Variants in ABCA12 observed in about 807,000 individuals in gnomAD.
The protein encoded by ABCA12 is glucosylceramide transporter ABCA12.
Under a neutral mutation model 293.5 loss-of-function variants are expected in ABCA12, and 156 were observed. The observed-to-expected ratio is 0.53, with a 90% CI of 0.47 to 0.61. ABCA12 has a LOEUF of 0.61. Ranked by LOEUF, ABCA12 falls within the 20% of genes least tolerant of loss-of-function variation. The pLI, the probability that ABCA12 is intolerant of heterozygous loss-of-function variation, is 0.00. For synonymous variants in ABCA12, 1,063 were observed against 1,108.0 expected (o/e 0.96, Z 0.81); for missense variants, 2,797 against 3,090.2 (o/e 0.91, Z 2.25).
At chr2:214,982,051 ATCCT>A in intron 30 of ABCA12, 132 bp downstream of exon 30, 2 of 813,822 alleles carry the variant, frequency 2.5e-6, no homozygotes, top group South Asian at 2.9e-5. Flanking sequence ...GGCTCAAGCA[ATCCT>A]CCTGTCTTGG....
At position 215,007,961 on chromosome 2, in the gene ABCA12, A is replaced by T. The variant is rs1700290921; in HGVS notation, c.2473-115T>A. Reference sequence around the variant, plus strand: ...TTCAAAAGACAGTTCTAAAACATGAAGTTAGTACAAACAATTGTCAGAAAT... The same window carrying T: ...TTCAAAAGACAGTTCTAAAACATGATGTTAGTACAAACAATTGTCAGAAAT... On this transcript the variant is annotated intron_variant, in intron 18 of 52. Coordinates refer to ENST00000272895, the MANE Select transcript of ABCA12 (RefSeq NM_173076.3). The T allele has an allele frequency of 3.7e-6, 5 of 1,334,344 alleles. No homozygotes were observed. The Admixed American group carries it at 8.0e-5, about 21-fold the overall frequency. 82.7% of individuals were successfully genotyped at this position (1,334,344 alleles called of 1,614,324 possible).
chr2:215,070,369 C>T (rs1320702810), intron 2 of ABCA12, among the ~76,000 whole-genome samples: 2 of 151,694 alleles, frequency 1.3e-5, no homozygotes, highest in African/African-American at 2.4e-5. Context: ...TTTAAAAAAT[C>T]GTTCATCTTT....
chr2:215,114,014 C>T (rs551130128), intron 1 of ABCA12, among the ~76,000 whole-genome samples: 9 of 152,208 alleles, frequency 5.9e-5, no homozygotes, highest in African/African-American at 1.9e-4. Context: ...CTTGCTCTGT[C>T]GCCAGGCTGG....
chr2:215,133,278 A>T (rs1359645809), intron 1 of ABCA12, among the ~76,000 whole-genome samples: 2 of 146,256 alleles, frequency 1.4e-5, no homozygotes, highest in Non-Finnish European at 3.0e-5. Flanking sequence ...AATTTATCCG[A>T]ATCTCTGGTA....
chr2:214,949,375 TATACAC>T (rs891687581), intron 45 of ABCA12, among the ~76,000 whole-genome samples: 13 of 148,388 alleles, frequency 8.8e-5, no homozygotes, highest in African/African-American at 2.8e-4. Flanking sequence ...TATATATATA[TATACAC>T]ACACACACAC....
chr2:215,054,735 G>C (rs1701387370), intron 3 of ABCA12, 71 bp from the exon 4 acceptor site: 1 of 1,174,008 alleles, frequency 8.5e-7, no homozygotes, highest in Non-Finnish European at 1.3e-6. Context: ...GTATTATGTG[G>C]CAGATTCCAG....
intron 37 of ABCA12, among the ~76,000 whole-genome samples, chr2:214,969,682 T>C (rs1699343330): frequency 6.6e-6 from 1 of 152,118 alleles, no homozygotes; most frequent in Non-Finnish European, 1.5e-5. Context: ...ATATTCTTTT[T>C]CTTCTTTTTG....
intron 50 of ABCA12, among the ~76,000 whole-genome samples, chr2:214,940,280 A>G (rs1440162530): frequency 1.3e-5 from 2 of 152,166 alleles, no homozygotes; most frequent in African/African-American, 4.8e-5. Flanking sequence ...TGATTTGCAT[A>G]TGTTGAACAA....
intron 15 of ABCA12, 105 bp downstream of exon 15, chr2:215,015,385 G>A (rs953660885): frequency 1.7e-6 from 2 of 1,178,014 alleles, no homozygotes; most frequent in African/African-American, 1.5e-5. Flanking sequence ...TCCAAAAGCC[G>A]AATAAATGGA....
At chr2:215,122,382 T>G (rs961499018) in intron 1 of ABCA12, among the ~76,000 whole-genome samples, 2 of 152,196 alleles carry the variant, frequency 1.3e-5, no homozygotes, top group Non-Finnish European at 2.9e-5. Context: ...AGGACCCAGT[T>G]TATTTCAATC....
intron 8 of ABCA12, among the ~76,000 whole-genome samples, chr2:215,034,603 G>T (rs1700952131): frequency 6.6e-6 from 1 of 152,120 alleles, no homozygotes; most frequent in Admixed American, 6.6e-5. Context: ...TTTAAGTGAG[G>T]TTGTTCATAA....
chr2:215,001,102 C>T, intron 21 of ABCA12, 82 bp from the exon 22 acceptor site: 1 of 1,330,912 alleles, frequency 7.5e-7, no homozygotes, highest in Non-Finnish European at 1.1e-6. Context: ...ACAGAGGGGA[C>T]AGCCAAACAG....
chr2:215,054,459 C>T (rs1262772254), intron 4 of ABCA12, 114 bp downstream of exon 4: 14 of 899,068 alleles, frequency 1.6e-5, no homozygotes, highest in South Asian at 2.7e-5. Flanking sequence ...TCTCACAGGG[C>T]TATTCTAAGC....
chr2:214,985,885 C>T (rs932100040), intron 28 of ABCA12, among the ~76,000 whole-genome samples: 4 of 152,148 alleles, frequency 2.6e-5, no homozygotes, highest in African/African-American at 9.7e-5. Context: ...AAGAATGTCA[C>T]TTTAAAAACA....
Position 215,007,776 on chromosome 2 carries a change from A to T in ABCA12, c.2543T>A (p.Leu848His). The T allele has an allele frequency of 6.2e-7, 1 of 1,614,098 alleles. No homozygotes were observed. The highest frequency in any genetic ancestry group is 2.2e-5 in the East Asian group (1 of 44,846). The change falls in exon 19 of 53, where the codon CTT (leucine) becomes CAT (histidine). Residue 848 changes from leucine (L) to histidine (H), a missense_variant. Leu to His is a moderately conservative substitution (Grantham distance 99). Around this residue, in one of 3 missense-constraint regions of ABCA12, gnomAD observed 2,130 missense variants for 2,427.0 expected, o/e 0.88. Transcript: ENST00000272895. ...KSQEWMDKSP[L>H]FMNSFHLLNQ... ...TAACAGATGGAAGGAATTCATGAAA[A>T]GTGGCGACTTATCCATCCACTCTTG...
At chr2:215,105,179 G>A (rs1470967680) in intron 2 of ABCA12, among the ~76,000 whole-genome samples, 1 of 152,138 alleles carries the variant, frequency 6.6e-6, no homozygotes, top group Non-Finnish European at 1.5e-5. Context: ...TATCCAATAA[G>A]TGAGTCAAGA....
chr2:215,025,255 T>G (rs1700712100), intron 11 of ABCA12: 1 of 163,782 alleles, frequency 6.1e-6, no homozygotes, highest in African/African-American at 2.4e-5. Context: ...TGCCGAGATC[T>G]CCACTGATTA....
rs114747975 is a variant in ABCA12 at position 215,029,762 on chromosome 2, A to C, written c.1061+2059T>G. ...ATTATTCCCTTACAACACTGGAGTA[A>C]TCCTTTATACAAAATCCTACCTACT... On this transcript the variant is annotated intron_variant, in intron 9 of 52. Transcript: ENST00000272895. 2.7e-3 allele frequency among the ~76,000 whole-genome samples: 417 copies of C among 152,300 alleles called. 1 individual carries two copies. The highest frequency in any genetic ancestry group is 9.8e-3 in the African/African-American group (406 of 41,566).
chr2:214,934,215 C>G lies in ABCA12; in HGVS notation c.7543G>C (p.Asp2515His), dbSNP rs1461430030. The G allele has an allele frequency of 1.2e-6, 2 of 1,613,466 alleles. No homozygotes were observed. Among genetic ancestry groups the G allele is most frequent in the Non-Finnish European group, 1.7e-6 (2 of 1,179,704 alleles). The change falls in exon 52 of 53, where the codon GAT becomes CAT. Residue 2515 changes from aspartate (D) to histidine (H), a missense_variant and splice_region_variant. By Grantham distance (81) the Asp-to-His change is moderately conservative. Coordinates refer to ENST00000272895, the MANE Select transcript of ABCA12 (RefSeq NM_173076.3). ...QLHFPKTYLK[D>H]QHLSMLEYHV... ...TACTCTAGCATGCTGAGGTGCTGAT[C>G]CTGTGGGAACCAAAGGAAAAAAGTT...
Sources: gnomAD v4.1 joint callset for allele counts (sites outside exome capture counted in the v4.1 genomes callset) on GRCh38, gnomAD v4.1.1 for gene constraint, gnomAD v4.1.1 regional missense constraint, MANE v1.5 for transcripts, NCBI Gene and HGNC (gene_info 2026-07-23, HGNC 2026-07-21) for gene names.